The following CD2AP variants were observed in gnomAD, a reference collection of about 807,000 sequenced individuals.
The protein encoded by CD2AP is CD2-associated protein.
A neutral mutation model predicts 85.1 loss-of-function variants in CD2AP; 46 were observed. The observed-to-expected ratio is 0.54, with a 90% CI of 0.43 to 0.69. The LOEUF (loss-of-function observed/expected upper bound fraction) is 0.69. Among genes scored for constraint, CD2AP ranks in the 30% least tolerant of loss-of-function variants. The pLI, the probability that CD2AP is intolerant of heterozygous loss-of-function variation, is 0.00. For missense variants in CD2AP, 769 were observed against 729.5 expected, an observed-to-expected ratio of 1.05 and a Z score of -0.62; for synonymous variants, 255 against 252.9, an observed-to-expected ratio of 1.01 and a Z score of -0.08.
At chr6:47,619,669 A>G (rs1769694500) in intron 17 of CD2AP, among the ~76,000 whole-genome samples, 1 of 152,192 alleles carries the variant, frequency 6.6e-6, no homozygotes, top group Non-Finnish European at 1.5e-5. Flanking sequence ...GGGCTGTACT[A>G]GTTTACGTTC....
intron 2 of CD2AP, among the ~76,000 whole-genome samples, chr6:47,511,742 G>A (rs1766317829): frequency 6.6e-6 from 1 of 152,202 alleles, no homozygotes. Context: ...CTTCAGATGT[G>A]TATGTTAAAA....
chr6:47,529,651 A>G (rs185288650), intron 2 of CD2AP, among the ~76,000 whole-genome samples: 13 of 152,308 alleles, frequency 8.5e-5, no homozygotes, highest in African/African-American at 2.9e-4. Flanking sequence ...ATCTTTATTT[A>G]TAAGTTTGGT....
intron 2 of CD2AP, among the ~76,000 whole-genome samples, chr6:47,514,323 C>T (rs1442635087): frequency 6.6e-6 from 1 of 152,054 alleles, no homozygotes; most frequent in Admixed American, 6.5e-5. Context: ...AAATCATAAA[C>T]TATACCTCAT....
At chr6:47,518,744 A>G (rs184783410) in intron 2 of CD2AP, among the ~76,000 whole-genome samples, 5 of 152,352 alleles carry the variant, frequency 3.3e-5, no homozygotes, top group South Asian at 2.1e-4. Flanking sequence ...TCACATTTCC[A>G]TCAGCAATGT....
intron 13 of CD2AP, among the ~76,000 whole-genome samples, chr6:47,605,765 A>G (rs1182452729): frequency 1.3e-5 from 2 of 152,016 alleles, no homozygotes; most frequent in Admixed American, 6.6e-5. Flanking sequence ...CAAATTTTAC[A>G]TGCTGATTTT....
intron 3 of CD2AP, among the ~76,000 whole-genome samples, chr6:47,534,997 A>G (rs1465980751): frequency 6.6e-6 from 1 of 152,006 alleles, no homozygotes; most frequent in Non-Finnish European, 1.5e-5. Flanking sequence ...GGGTTTTGCC[A>G]TGTTGCCTGA....
At chr6:47,619,842 AT>A (rs1204950091) in intron 17 of CD2AP, among the ~76,000 whole-genome samples, 2 of 152,118 alleles carry the variant, frequency 1.3e-5, no homozygotes, top group Non-Finnish European at 2.9e-5. Flanking sequence ...ATTTCTTCAT[AT>A]GTCTGTTGGC....
chr6:47,551,145 T>A (rs772263462), intron 4 of CD2AP, among the ~76,000 whole-genome samples: 5 of 151,930 alleles, frequency 3.3e-5, no homozygotes, highest in African/African-American at 4.8e-5. Context: ...AACTTACTTA[T>A]GTAACCTAAC....
intron 1 of CD2AP, among the ~76,000 whole-genome samples, chr6:47,485,244 G>A (rs977700716): frequency 2.0e-5 from 3 of 152,226 alleles, no homozygotes; most frequent in African/African-American, 2.4e-5. Flanking sequence ...CCAGAAAAAG[G>A]CATTGTTATC....
At chr6:47,487,340 A>G (rs1765585710) in intron 1 of CD2AP, among the ~76,000 whole-genome samples, 1 of 152,182 alleles carries the variant, frequency 6.6e-6, no homozygotes, top group African/African-American at 2.4e-5. Flanking sequence ...TATATGGATT[A>G]TATATTACAA....
intron 4 of CD2AP, among the ~76,000 whole-genome samples, chr6:47,552,665 C>T (rs764897927): frequency 6.6e-6 from 1 of 152,182 alleles, no homozygotes; most frequent in Non-Finnish European, 1.5e-5. Context: ...AAACCTAACT[C>T]CTCAGTTGTT....
chr6:47,574,177 A>G lies in CD2AP; in HGVS notation c.655A>G (p.Ile219Val), dbSNP rs1768236504. 1 of 1,614,122 alleles carries G rather than the reference A, an allele frequency of 6.2e-7. No individual in the cohort carries two copies. Among genetic ancestry groups the G allele is most frequent in the East Asian group, 2.2e-5 (1 of 44,854 alleles). ...AATTCGAGGAATTGGATTTGGAGAC[A>G]TTTTTAAAGAAGGCTCTGTGAAACT... ...KKIRGIGFGDIFKEGSVKLRT... is the reference protein window; with the variant it reads ...KKIRGIGFGDVFKEGSVKLRT... The change falls in exon 6 of 18, where the codon ATT becomes GTT. Residue 219 changes from isoleucine to valine, a missense_variant. By Grantham distance (29) the Ile-to-Val change is conservative. Coordinates refer to ENST00000359314, the MANE Select transcript of CD2AP (RefSeq NM_012120.3).
intron 14 of CD2AP, 52 bp from the exon 15 acceptor site, chr6:47,607,875 C>A: frequency 8.2e-7 from 1 of 1,224,042 alleles, no homozygotes; most frequent in Non-Finnish European, 1.2e-6. Flanking sequence ...GACTTACTAC[C>A]TTTTCTTTTC....
Position 47,553,718 on chromosome 6 carries a change from A to G in CD2AP, c.421-928A>G, listed in dbSNP as rs979136506. ...CTCCTTAATATCCATATCAGAAACT[A>G]TACATTTTTAAAGTTATTAAATATT... is the stretch of plus-strand genomic sequence containing the variant. On this transcript the variant is annotated intron_variant, in intron 4 of 17. Coordinates refer to ENST00000359314, the MANE Select transcript of CD2AP (RefSeq NM_012120.3). Among the ~76,000 whole-genome samples, 14 of 152,050 alleles carry G rather than the reference A, an allele frequency of 9.2e-5. No individual in the cohort carries two copies. The South Asian group carries it at 1.7e-3, about 18-fold the overall frequency.
chr6:47,537,532 C>G (rs942743776), intron 3 of CD2AP, among the ~76,000 whole-genome samples: 1 of 152,164 alleles, frequency 6.6e-6, no homozygotes, highest in African/African-American at 2.4e-5. Flanking sequence ...CCTTCACCTA[C>G]ATATGCTGTT....
intron 2 of CD2AP, among the ~76,000 whole-genome samples, chr6:47,521,909 G>T (rs926103255): frequency 1.3e-5 from 2 of 152,088 alleles, no homozygotes; most frequent in East Asian, 3.9e-4. Flanking sequence ...CAGCTACTTG[G>T]GAGGCTGAGG....
At chr6:47,505,035 T>TTTTTTTTTTTTTTTG (rs1766101098) in intron 2 of CD2AP, among the ~76,000 whole-genome samples, 1 of 101,860 alleles carries the variant, frequency 9.8e-6, no homozygotes, top group Non-Finnish European at 2.2e-5. Flanking sequence ...TTTTTTTTTT[T>TTTTTTTTTTTTTTTG]TAATTTATTT....
intron 5 of CD2AP, among the ~76,000 whole-genome samples, chr6:47,566,895 C>T (rs570873904): frequency 2.1e-4 from 32 of 152,084 alleles, no homozygotes; most frequent in African/African-American, 6.0e-4. Flanking sequence ...TCCATGACTG[C>T]GATATTGTAA....
At chr6:47,608,335 T>C (rs55718135) in intron 15 of CD2AP, among the ~76,000 whole-genome samples, 35 of 152,326 alleles carry the variant, frequency 2.3e-4, no homozygotes, top group Non-Finnish European at 4.3e-4. Flanking sequence ...AACACTTGTA[T>C]AGTACTTACC....
Sources: gnomAD v4.1 joint callset for allele counts (sites outside exome capture counted in the v4.1 genomes callset) on GRCh38, gnomAD v4.1.1 for gene constraint, MANE v1.5 for transcripts, NCBI Gene and HGNC (gene_info 2026-07-23, HGNC 2026-07-21) for gene names.